GRID2: variants seen among roughly 807,000 people sequenced by gnomAD.
GRID2 encodes the protein glutamate receptor ionotropic, delta-2.
Under a neutral mutation model 114.8 loss-of-function variants are expected in GRID2, and 33 were observed. That is an observed-to-expected ratio of 0.29 (90% CI 0.22 to 0.38). The LOEUF (loss-of-function observed/expected upper bound fraction) is 0.38. Among genes scored for constraint, GRID2 ranks in the 10% least tolerant of loss-of-function variants. The pLI is 1.00. For missense variants in GRID2, 1,184 were observed against 1,257.7 expected, an observed-to-expected ratio of 0.94 and a Z score of 0.89; for synonymous variants, 505 against 449.9, an observed-to-expected ratio of 1.12 and a Z score of -1.55.
chr4:92,846,864 A>G (rs1364105872), intron 2 of GRID2, among the ~76,000 whole-genome samples: 2 of 152,098 alleles, frequency 1.3e-5, no homozygotes, highest in Non-Finnish European at 2.9e-5. Flanking sequence ...TGTAGGCGCT[A>G]TGCTATTTAC....
At chr4:93,661,017 C>T (rs1275143089) in intron 14 of GRID2, among the ~76,000 whole-genome samples, 2 of 152,140 alleles carry the variant, frequency 1.3e-5, no homozygotes, top group African/African-American at 4.8e-5. Flanking sequence ...ACTACTATCT[C>T]CCAAGTGTGT....
chr4:92,330,839 G>A (rs1013538275), intron 1 of GRID2, among the ~76,000 whole-genome samples: 15 of 151,970 alleles, frequency 9.9e-5, no homozygotes, highest in Admixed American at 4.6e-4. Context: ...ATGTGAAAAA[G>A]TTCTGAATTT....
intron 1 of GRID2, among the ~76,000 whole-genome samples, chr4:92,391,630 G>A (rs773989759): frequency 6.6e-6 from 1 of 152,096 alleles, no homozygotes; most frequent in Non-Finnish European, 1.5e-5. Flanking sequence ...TAAATAAAAT[G>A]TTAAAATATG....
intron 2 of GRID2, among the ~76,000 whole-genome samples, chr4:92,999,401 G>A (rs1755405114): frequency 6.6e-6 from 1 of 151,724 alleles, no homozygotes; most frequent in Non-Finnish European, 1.5e-5. Context: ...TCACCTTCTG[G>A]GAAACCTGTT....
chr4:93,158,001 T>G (rs1351286582), intron 4 of GRID2, among the ~76,000 whole-genome samples: 2 of 151,826 alleles, frequency 1.3e-5, no homozygotes, highest in East Asian at 3.9e-4. Context: ...GTTGCACATG[T>G]AGTGTTATTT....
At chr4:93,497,629 T>C (rs1727677960) in intron 12 of GRID2, among the ~76,000 whole-genome samples, 1 of 151,730 alleles carries the variant, frequency 6.6e-6, no homozygotes, top group Non-Finnish European at 1.5e-5. Flanking sequence ...CATTGAATTG[T>C]TTTGCACCTT....
At chr4:93,621,363 C>T (rs375231157) in intron 13 of GRID2, among the ~76,000 whole-genome samples, 23 of 152,234 alleles carry the variant, frequency 1.5e-4, no homozygotes, top group African/African-American at 4.1e-4. Flanking sequence ...GTAGATATCA[C>T]TTTGGATTAT....
intron 14 of GRID2, among the ~76,000 whole-genome samples, chr4:93,693,503 A>T (rs983150945): frequency 7.9e-5 from 12 of 152,234 alleles, no homozygotes; most frequent in Non-Finnish European, 1.3e-4. Flanking sequence ...GTTTGACATC[A>T]GAAAAGACTA....
At chr4:93,511,438 T>C (rs564627710) in intron 12 of GRID2, among the ~76,000 whole-genome samples, 1 of 152,164 alleles carries the variant, frequency 6.6e-6, no homozygotes, top group Non-Finnish European at 1.5e-5. Flanking sequence ...ACCCACAGGT[T>C]GATGCTAGTC....
intron 1 of GRID2, among the ~76,000 whole-genome samples, chr4:92,406,962 T>A (rs1006578801): frequency 1.3e-5 from 2 of 151,864 alleles, no homozygotes; most frequent in African/African-American, 4.8e-5. Context: ...GTAATTTATA[T>A]ATAAAAAAGG....
At chr4:92,693,388 A>G (rs766732780) in intron 2 of GRID2, among the ~76,000 whole-genome samples, 17 of 152,212 alleles carry the variant, frequency 1.1e-4, no homozygotes, top group Non-Finnish European at 2.1e-4. Context: ...TGCACTCTAT[A>G]TATACATTTC....
chr4:93,711,839 C>T (rs1259288232), intron 14 of GRID2, among the ~76,000 whole-genome samples: 2 of 152,164 alleles, frequency 1.3e-5, no homozygotes, highest in African/African-American at 4.8e-5. Flanking sequence ...TTCCTCGATA[C>T]AATGTTAAAA....
intron 2 of GRID2, among the ~76,000 whole-genome samples, chr4:92,777,207 A>C (rs1475509205): frequency 2.0e-5 from 3 of 152,060 alleles, no homozygotes; most frequent in South Asian, 2.1e-4. Flanking sequence ...AGCATGTATA[A>C]GTAGGTTTCT....
intron 8 of GRID2, among the ~76,000 whole-genome samples, chr4:93,295,507 C>A (rs375620324): frequency 2.6e-5 from 4 of 152,236 alleles, no homozygotes; most frequent in African/African-American, 9.6e-5. Flanking sequence ...ATCTGCAGGG[C>A]AGGCTGTCAA....
At chr4:93,678,851 A>G (rs1209695109) in intron 14 of GRID2, among the ~76,000 whole-genome samples, 2 of 151,256 alleles carry the variant, frequency 1.3e-5, no homozygotes, top group Non-Finnish European at 2.9e-5. Context: ...CATCGAGACT[A>G]GGAAGAAACT....
intron 8 of GRID2, among the ~76,000 whole-genome samples, chr4:93,363,539 CTAAT>C (rs1762068517): frequency 1.3e-5 from 2 of 151,792 alleles, no homozygotes; most frequent in Non-Finnish European, 2.9e-5. Flanking sequence ...TGTTTTTTTT[CTAAT>C]TAATTCTTGT....
Position 93,179,529 on chromosome 4 carries a change from G to A in GRID2, c.736-27875G>A, listed in dbSNP as rs548105291. On this transcript the variant is annotated intron_variant, in intron 4 of 15. Transcript: ENST00000282020. ...GTACCCACTGGTAATTATTTATCCC[G>A]AAGAAAATCATATACAGAATTCTAA... Among the ~76,000 whole-genome samples, 305 of 152,154 alleles carry A rather than the reference G, an allele frequency of 2.0e-3. 3 individuals are homozygous for A. Among genetic ancestry groups the A allele is most frequent in the Non-Finnish European group, 3.1e-3 (210 of 67,990 alleles).
At chr4:93,022,242 A>T (rs1578775694) in intron 2 of GRID2, among the ~76,000 whole-genome samples, 2 of 152,044 alleles carry the variant, frequency 1.3e-5, no homozygotes, top group East Asian at 3.9e-4. Flanking sequence ...ATATATGTTT[A>T]TAAGTTTGCA....
At chr4:92,743,903 A>G (rs1033873256) in intron 2 of GRID2, among the ~76,000 whole-genome samples, 40 of 152,210 alleles carry the variant, frequency 2.6e-4, no homozygotes, top group Non-Finnish European at 1.0e-4. Context: ...TGTTTGACAT[A>G]TATGTTGTAA....
Sources: gnomAD v4.1 joint callset for allele counts (sites outside exome capture counted in the v4.1 genomes callset) on GRCh38, gnomAD v4.1.1 for gene constraint, MANE v1.5 for transcripts, NCBI Gene and HGNC (gene_info 2026-07-23, HGNC 2026-07-21) for gene names.